Variants in CSMD1 observed in about 807,000 individuals in gnomAD.
CSMD1 encodes the protein CUB and Sushi multiple domains 1.
In CSMD1, 213 loss-of-function variants were observed where a neutral mutation model predicts 417.5. That is an observed-to-expected ratio of 0.51 (90% CI 0.46 to 0.57). The LOEUF is 0.57. CSMD1 is among the 20% of genes least tolerant of loss of function. CSMD1 has a pLI of 0.00. For synonymous variants in CSMD1, 2,862 were observed against 1,736.8 expected, an observed-to-expected ratio of 1.65 and a Z score of -16.11; for missense variants, 6,923 against 4,529.7, an observed-to-expected ratio of 1.53 and a Z score of -15.17.
intron 1 of CSMD1, among the ~76,000 whole-genome samples, chr8:4,712,975 C>A (rs1227879984): frequency 6.6e-6 from 1 of 152,104 alleles, no homozygotes; most frequent in South Asian, 2.1e-4. Context: ...GGCAAATCCA[C>A]GGGAATTACT....
At chr8:3,994,858 T>G (rs1221717219) in intron 5 of CSMD1, among the ~76,000 whole-genome samples, 1 of 152,182 alleles carries the variant, frequency 6.6e-6, no homozygotes, top group African/African-American at 2.4e-5. Context: ...ATTTTCCAAG[T>G]AGCTTCTTCT....
chr8:4,354,652 T>G (rs1314948927), intron 3 of CSMD1, among the ~76,000 whole-genome samples: 1 of 152,044 alleles, frequency 6.6e-6, no homozygotes, highest in African/African-American at 2.4e-5. Context: ...CACATGAACA[T>G]CTATGCAGAA....
intron 5 of CSMD1, among the ~76,000 whole-genome samples, chr8:3,897,187 A>C (rs1221648787): frequency 6.6e-6 from 1 of 152,194 alleles, no homozygotes; most frequent in African/African-American, 2.4e-5. Context: ...TAGTAGCACA[A>C]TGGTGTCAAG....
chr8:4,004,935 A>T (rs947121937), intron 4 of CSMD1, among the ~76,000 whole-genome samples: 1 of 151,952 alleles, frequency 6.6e-6, no homozygotes, highest in African/African-American at 2.4e-5. Flanking sequence ...TAGTAGAGAC[A>T]GGGTTTCACC....
rs906664156 is a variant in CSMD1 at position 3,057,193 on chromosome 8, G to C, written c.7475-4546C>G. ...ACACACACACGTGGTAAATACCTAT[G>C]AGTATCATATATAATTTTTCAAGTA... On this transcript the variant is annotated intron_variant, in intron 49 of 69. Transcript: ENST00000635120. Among the ~76,000 whole-genome samples the C allele has an allele frequency of 2.6e-5, 4 of 152,192 alleles. No homozygotes were observed. In the East Asian group the frequency reaches 7.7e-4, roughly 29 times the overall value.
In CSMD1 at chr8:4,409,710, G is replaced by C. The variant is rs1170564949; in HGVS notation, c.415+10243C>G. Among the ~76,000 whole-genome samples the C allele has an allele frequency of 7.3e-5, 11 of 149,978 alleles. No homozygotes were observed. The Admixed American group carries it at 7.3e-4, about 10-fold the overall frequency. On this transcript the variant is annotated intron_variant, in intron 3 of 69. Transcript: ENST00000635120. ...ACAAAGCACAGAGAAGGAGAAGGTG[G>C]ACACAGGCTTCCCAAGATGGCAAAG...
chr8:3,241,311 A>G (rs140209757), intron 26 of CSMD1, among the ~76,000 whole-genome samples: 107,573 of 149,002 alleles, frequency 0.72, 40,486 homozygotes, highest in Non-Finnish European at 0.83. Context: ...TACCCACAAC[A>G]GTTATGGAGG....
chr8:3,337,595 G>T (rs181441527), intron 23 of CSMD1, among the ~76,000 whole-genome samples: 15 of 152,182 alleles, frequency 9.9e-5, no homozygotes, highest in African/African-American at 2.7e-4. Context: ...TGATGTACAG[G>T]GAATGCATAT....
At chr8:4,688,829 G>T (rs1806574313) in intron 1 of CSMD1, among the ~76,000 whole-genome samples, 1 of 152,196 alleles carries the variant, frequency 6.6e-6, no homozygotes. Context: ...CAAGTGGTCT[G>T]ATGTGATGCC....
intron 5 of CSMD1, among the ~76,000 whole-genome samples, chr8:3,945,463 GT>G (rs1811162001): frequency 6.6e-6 from 1 of 151,904 alleles, no homozygotes; most frequent in East Asian, 1.9e-4. Flanking sequence ...CTTTTCAATT[GT>G]TTTCTTAGTT....
At chr8:2,993,766 A>T (rs896678742) in intron 54 of CSMD1, among the ~76,000 whole-genome samples, 1 of 152,110 alleles carries the variant, frequency 6.6e-6, no homozygotes, top group Non-Finnish European at 1.5e-5. Flanking sequence ...CACAATGAAG[A>T]CAGCTCCCGT....
intron 5 of CSMD1, among the ~76,000 whole-genome samples, chr8:3,859,830 C>T (rs1420075991): frequency 6.6e-6 from 1 of 152,186 alleles, no homozygotes; most frequent in South Asian, 2.1e-4. Flanking sequence ...GCAGGAGAAG[C>T]TGCACATTTG....
chr8:4,579,654 G>A (rs1256370723), intron 2 of CSMD1, among the ~76,000 whole-genome samples: 1 of 152,020 alleles, frequency 6.6e-6, no homozygotes, highest in South Asian at 2.1e-4. Flanking sequence ...GAGCCATCAT[G>A]CCCGGCCTTA....
chr8:3,437,158 T>C (rs1405477703), intron 12 of CSMD1, among the ~76,000 whole-genome samples: 3 of 152,152 alleles, frequency 2.0e-5, no homozygotes, highest in Admixed American at 6.5e-5. Flanking sequence ...CAAATGCAAT[T>C]GTGTGAATTT....
intron 3 of CSMD1, among the ~76,000 whole-genome samples, chr8:4,055,385 A>C (rs1403163097): frequency 1.3e-5 from 2 of 152,076 alleles, no homozygotes; most frequent in Admixed American, 6.5e-5. Flanking sequence ...AAACTTACTA[A>C]GTGATTAATC....
intron 7 of CSMD1, among the ~76,000 whole-genome samples, chr8:3,661,250 G>C (rs527347750): frequency 7.2e-5 from 11 of 152,250 alleles, no homozygotes; most frequent in African/African-American, 7.2e-5. Context: ...CTCAGCCTTG[G>C]CCAGTCCCAG....
chr8:4,928,707 T>A (rs554114990), intron 1 of CSMD1, among the ~76,000 whole-genome samples: 126 of 152,246 alleles, frequency 8.3e-4, no homozygotes, highest in African/African-American at 3.0e-3. Context: ...ATTCATACAC[T>A]GAAATAATAA....
intron 12 of CSMD1, among the ~76,000 whole-genome samples, chr8:3,421,513 A>T (rs1272689739): frequency 5.3e-5 from 8 of 152,254 alleles, no homozygotes; most frequent in African/African-American, 1.9e-4. Flanking sequence ...TCTCACTATG[A>T]AAATAACAAT....
At chr8:3,518,449 A>T (rs561806664) in intron 10 of CSMD1, among the ~76,000 whole-genome samples, 1 of 152,308 alleles carries the variant, frequency 6.6e-6, no homozygotes, top group African/African-American at 2.4e-5. Flanking sequence ...TAAAATTCTG[A>T]CACATAGAAA....
Sources: gnomAD v4.1 joint callset for allele counts (sites outside exome capture counted in the v4.1 genomes callset) on GRCh38, gnomAD v4.1.1 for gene constraint, MANE v1.5 for transcripts, NCBI Gene and HGNC (gene_info 2026-07-23, HGNC 2026-07-21) for gene names.